DLX5: variants seen among roughly 807,000 people sequenced by gnomAD.
The protein encoded by DLX5 is homeobox protein DLX-5.
Under a neutral mutation model 27.1 loss-of-function variants are expected in DLX5, and 8 were observed. The ratio of observed to expected loss-of-function variants is 0.30; its 90% CI spans 0.17 to 0.53. DLX5 has a LOEUF of 0.53. DLX5 is among the 20% of genes least tolerant of loss of function. DLX5 has a pLI of 0.95. For missense variants in DLX5, 339 were observed against 375.1 expected, an observed-to-expected ratio of 0.90 and a Z score of 0.80; for synonymous variants, 178 against 161.9, an observed-to-expected ratio of 1.10 and a Z score of -0.75.
chr7:97,024,167 C>T lies in DLX5; in HGVS notation c.355+102G>A. 4.5e-6 allele frequency: 5 copies of T among 1,111,950 alleles called. No homozygotes were observed. The highest frequency in any genetic ancestry group is 6.3e-6 in the Non-Finnish European group (5 of 789,742). The allele number at this position is 1,111,950 out of a possible 1,614,324, so 68.9% of individuals were successfully genotyped here. A position where few individuals can be genotyped will look rare whatever the true frequency, so the allele number is the denominator to read the frequency against. On this transcript the variant is annotated intron_variant, in intron 1 of 2. Transcript: ENST00000648378. This position sits in a 1 kb window ranked among gnomAD's most constrained non-coding sequence, Gnocchi z 4.6. ...CTACTCCCTTCTGCCGCGTGCGCCC[C>T]CACTGCCGTGAACCGCTGTGACCCC...
At chr7:97,021,127 G>A (rs770292303) in intron 2 of DLX5, 62 bp from the exon 3 acceptor site, 60 of 1,497,038 alleles carry the variant, frequency 4.0e-5, no homozygotes, top group Non-Finnish European at 5.1e-5. Context: ...CGCCTTCCCC[G>A]GGGCGGCGAC....
chr7:97,022,466 A>C lies in DLX5; in HGVS notation c.356-97T>G. 1.9e-6 allele frequency: 3 copies of C among 1,563,074 alleles called. No individual in the cohort carries two copies. The South Asian group carries it at 3.6e-5, about 19-fold the overall frequency. ...AGAGTCCTAGAGTTTCTTACCACTCAGTCTTCATTCTTTGCCCATATCACC... is the reference window on the plus strand; with the variant it reads ...AGAGTCCTAGAGTTTCTTACCACTCCGTCTTCATTCTTTGCCCATATCACC... On this transcript the variant is annotated intron_variant, in intron 1 of 2. Coordinates refer to ENST00000648378, the MANE Select transcript of DLX5 (RefSeq NM_005221.6).
At position 97,020,832 on chromosome 7, in the gene DLX5, G is replaced by A; in HGVS notation, c.774C>T (p.Ser258=). 1 of 1,614,118 alleles carries A rather than the reference G, an allele frequency of 6.2e-7. No homozygotes were observed. Among genetic ancestry groups the A allele is most frequent in the South Asian group, 1.1e-5 (1 of 91,078 alleles). The change falls in exon 3 of 3, where the codon TCC becomes TCT. Residue 258 remains serine (S), a synonymous_variant. Transcript: ENST00000648378. ...PASSYLENSA[S]WYTSAASSIN... ...TTGAGCTGGCTGCACTTGTGTACCA[G>A]GATGCAGAGTTCTCCAGGTAGCTGG...
chr7:97,022,608 C>G, intron 1 of DLX5: 2 of 985,422 alleles, frequency 2.0e-6, no homozygotes, highest in Non-Finnish European at 2.4e-6. Flanking sequence ...CAAAGCGCTT[C>G]CTACAACACT....
At chr7:97,022,724 G>T in intron 1 of DLX5, 1 of 365,992 alleles carries the variant, frequency 2.7e-6, no homozygotes, top group Non-Finnish European at 3.8e-6. Context: ...CCCCTCCCCA[G>T]GCTTCAAGAA....
chr7:97,024,292 A>G lies in DLX5; in HGVS notation c.332T>C (p.Val111Ala), dbSNP rs755697591. 1.7e-5 allele frequency: 28 copies of G among 1,613,476 alleles called. No individual in the cohort carries two copies. The South Asian group carries it at 3.0e-4, about 17-fold the overall frequency. The change falls in exon 1 of 3, where the codon GTC becomes GCC. Residue 111 changes from valine to alanine, a missense_variant. Physicochemically the swap from Val to Ala is moderately conservative, Grantham distance 64. Coordinates refer to ENST00000648378, the MANE Select transcript of DLX5 (RefSeq NM_005221.6). This position sits in a 1 kb window ranked among gnomAD's most constrained non-coding sequence, Gnocchi z 4.6. ...ACCTGGCTGGTTGGTGGCGCTTGGG[A>G]CGCGGTTGTAGGCGCCGCCGTACTG... ...YHQYGGAYNR[V>A]PSATNQPEKE...
chr7:97,023,660 C>G (rs560171098), intron 1 of DLX5, among the ~76,000 whole-genome samples: 2 of 152,110 alleles, frequency 1.3e-5, no homozygotes, highest in Non-Finnish European at 2.9e-5. Flanking sequence ...CGTGACCCCT[C>G]AGCAACCCTC....
chr7:97,022,290 G>C lies in DLX5; in HGVS notation c.435C>G (p.Ser145=), dbSNP rs762312737. Residue 145 remains serine, a synonymous_variant, in exon 2 of 3, where the codon TCC becomes TCG. Coordinates refer to ENST00000648378, the MANE Select transcript of DLX5 (RefSeq NM_005221.6). ...TCTGTAATGCGGCCAGCTGAAAGCT[G>C]GAATAAATAGTCCTGGGTTTACGAA... ...KKVRKPRTIY[S]SFQLAALQRR... 6.2e-7 allele frequency: 1 copy of C among 1,614,240 alleles called. No homozygotes were observed. Among genetic ancestry groups the C allele is most frequent in the Non-Finnish European group, 8.5e-7 (1 of 1,180,044 alleles).
At position 97,024,716 on chromosome 7, in the gene DLX5, G is replaced by A; in HGVS notation, c.-93C>T. 1 of 1,110,092 alleles carries A rather than the reference G, an allele frequency of 9.0e-7. No homozygotes were observed. Among genetic ancestry groups the A allele is most frequent in the South Asian group, 1.6e-5 (1 of 64,270 alleles). 68.8% of individuals were successfully genotyped at this position (1,110,092 alleles called of 1,614,324 possible). A position where few individuals can be genotyped will look rare whatever the true frequency, so the allele number is the denominator to read the frequency against. The stretch of plus-strand genomic sequence containing the variant: ...GGGCTGCTCTGGTCTAAGCAGACAT[G>A]GCTGTGGGAGCGAGGGAGGAGGAGG... On this transcript the variant is annotated 5_prime_UTR_variant, in exon 1 of 3. Transcript: ENST00000648378. This position sits in a 1 kb window ranked among gnomAD's most constrained non-coding sequence, Gnocchi z 4.6.
chr7:97,021,869 G>A, intron 2 of DLX5: 2 of 588,836 alleles, frequency 3.4e-6, no homozygotes, highest in Non-Finnish European at 6.0e-6. Flanking sequence ...GCTGCTCTGG[G>A]CTGCCTAGGC....
At position 97,024,508 on chromosome 7, in the gene DLX5, T is replaced by G; in HGVS notation, c.116A>C (p.Glu39Ala). The G allele has an allele frequency of 6.2e-7, 1 of 1,614,172 alleles. No homozygotes were observed. The highest frequency in any genetic ancestry group is 8.5e-7 in the Non-Finnish European group (1 of 1,180,026). ...GTAGTCAGAATCGGTAGCTGAAGAC[T>G]CGGGCAAAGTTGGCGATTCCTGAGA... The part of the protein sequence containing the change: ...HPSQESPTLP[E>A]SSATDSDYYS... The change falls in exon 1 of 3, where the codon GAG becomes GCG. Residue 39 changes from glutamate to alanine, a missense_variant. Physicochemically the swap from Glu to Ala is moderately radical, Grantham distance 107. Around this residue, in one of 3 missense-constraint regions of DLX5, gnomAD observed 188 missense variants for 206.1 expected, o/e 0.91. Transcript: ENST00000648378. The surrounding 1 kb of genome is among the most constrained non-coding windows in gnomAD (Gnocchi z 4.6).
rs1290809156 is a variant in DLX5, at chr7:97,024,660, G to A, written c.-37C>T. The A allele has an allele frequency of 6.4e-7, 1 of 1,551,190 alleles. No homozygotes were observed. Among genetic ancestry groups the A allele is most frequent in the Admixed American group, 1.8e-5 (1 of 55,502 alleles). ...GGCGGCAGCGGCTGTCCTTGCTGTTGTGGCGGCGGCAGCTGCCCTAGTTGG... is the reference window on the plus strand; with the variant it reads ...GGCGGCAGCGGCTGTCCTTGCTGTTATGGCGGCGGCAGCTGCCCTAGTTGG... On this transcript the variant is annotated 5_prime_UTR_variant, in exon 1 of 3. Transcript: ENST00000648378. This position sits in a 1 kb window ranked among gnomAD's most constrained non-coding sequence, Gnocchi z 4.6.
intron 1 of DLX5, among the ~76,000 whole-genome samples, chr7:97,022,785 C>G (rs1052399493): frequency 2.6e-5 from 4 of 152,166 alleles, no homozygotes; most frequent in Non-Finnish European, 4.4e-5. Flanking sequence ...CGTGACCCTA[C>G]TTCTGTCGGC....
intron 1 of DLX5, 163 bp from the exon 2 acceptor site, chr7:97,022,532 C>T (rs1584166676): frequency 2.0e-6 from 2 of 985,316 alleles, no homozygotes; most frequent in African/African-American, 3.5e-5. Flanking sequence ...TATGCACCTA[C>T]CCCAAATATG....
Position 97,024,359 on chromosome 7 carries a change from C to G in DLX5, c.265G>C (p.Ala89Pro). 1 of 1,614,250 alleles carries G rather than the reference C, an allele frequency of 6.2e-7. No individual in the cohort carries two copies. Among genetic ancestry groups the G allele is most frequent in the Non-Finnish European group, 8.5e-7 (1 of 1,180,056 alleles). The change falls in exon 1 of 3, where the codon GCC becomes CCC. Residue 89 changes from alanine to proline, a missense_variant. Physicochemically the swap from Ala to Pro is conservative, Grantham distance 27 (BLOSUM62 -1). Transcript: ENST00000648378. The surrounding 1 kb of genome is among the most constrained non-coding windows in gnomAD (Gnocchi z 4.6). ...GVNGSAGSYP[A>P]KAYADYSYAS... is the part of the protein sequence containing the mutation. ...TAGCTATAGTCGGCATAAGCTTTGG[C>G]TGGGTAGCTCCCGGCGGAGCCGTTC...
Position 97,022,558 on chromosome 7 carries a change from C to T in DLX5, c.356-189G>A, listed in dbSNP as rs935463698. ...CCCAAATATGGAAAAGCGGGATAGC[C>T]TCTGATTAATTCCTACTCTGTTCAT... On this transcript the variant is annotated intron_variant, in intron 1 of 2. Transcript: ENST00000648378. The T allele has an allele frequency of 1.0e-5, 10 of 985,466 alleles. No homozygotes were observed. In the East Asian group the frequency reaches 9.1e-4, roughly 89 times the overall value. The allele number at this position is 985,466 out of a possible 1,614,324, so 61.0% of individuals were successfully genotyped here. A position where few individuals can be genotyped will look rare whatever the true frequency, so the allele number is the denominator to read the frequency against.
chr7:97,020,832 G>C lies in DLX5; in HGVS notation c.774C>G (p.Ser258=). The change falls in exon 3 of 3, where the codon TCC becomes TCG. Residue 258 remains serine, a synonymous_variant. Transcript: ENST00000648378. ...PASSYLENSA[S]WYTSAASSIN... is the part of the protein sequence containing the mutation. ...TTGAGCTGGCTGCACTTGTGTACCA[G>C]GATGCAGAGTTCTCCAGGTAGCTGG... 1.2e-6 allele frequency: 2 copies of C among 1,614,118 alleles called. No individual in the cohort carries two copies. Among genetic ancestry groups the C allele is most frequent in the Non-Finnish European group, 1.7e-6 (2 of 1,180,006 alleles).
In DLX5 at chr7:97,020,770, T is replaced by G; in HGVS notation, c.836A>C (p.His279Pro). The stretch of plus-strand genomic sequence containing the variant: ...TGTCCCGGAGGCCAGCGCCAGCGGG[T>G]GCTGTAAGGAGCCCGGCGGCGGCAG... ...SHLPPPGSLQ[H>P]PLALASGTLY Residue 279 changes from histidine to proline, a missense_variant, in exon 3 of 3, where the codon CAC becomes CCC. His to Pro is a moderately conservative substitution (Grantham distance 77). Coordinates refer to ENST00000648378, the MANE Select transcript of DLX5 (RefSeq NM_005221.6). 1 of 1,606,050 alleles carries G rather than the reference T, an allele frequency of 6.2e-7. No individual in the cohort carries two copies. The highest frequency in any genetic ancestry group is 8.5e-7 in the Non-Finnish European group (1 of 1,174,198).
chr7:97,022,698 C>G (rs1014696783), intron 1 of DLX5: 1 of 618,394 alleles, frequency 1.6e-6, no homozygotes, highest in Non-Finnish European at 2.0e-6. Flanking sequence ...CCACCCTGTG[C>G]TCCTCCGCGT....
Sources: allele counts gnomAD v4.1 joint callset (sites outside exome capture counted in the v4.1 genomes callset), GRCh38; gene constraint gnomAD v4.1.1; regional missense constraint gnomAD v4.1.1; non-coding constraint Gnocchi (gnomAD v3.1); transcripts MANE v1.5; gene names NCBI Gene and HGNC (gene_info 2026-07-23, HGNC 2026-07-21).